Variants in NOS1AP observed in about 807,000 individuals in gnomAD.
NOS1AP encodes the protein carboxyl-terminal PDZ ligand of neuronal nitric oxide synthase protein.
Under a neutral mutation model 56.2 loss-of-function variants are expected in NOS1AP, and 21 were observed. The observed-to-expected ratio is 0.37, with a 90% CI of 0.26 to 0.54. The LOEUF (loss-of-function observed/expected upper bound fraction) is 0.54, where lower values mean the gene tolerates loss of function less well. Ranked by LOEUF, NOS1AP falls within the 20% of genes least tolerant of loss-of-function variation. The probability of loss-of-function intolerance (pLI) is 0.84; values close to 1 mark genes in which losing one functional copy is unlikely to be tolerated. For missense variants in NOS1AP, 522 were observed against 657.8 expected, an observed-to-expected ratio of 0.79 and a Z score of 2.26; for synonymous variants, 270 against 274.6, an observed-to-expected ratio of 0.98 and a Z score of 0.17.
intron 2 of NOS1AP, 104 bp from the exon 3 acceptor site, chr1:162,287,240 C>A: frequency 1.3e-6 from 1 of 797,212 alleles, no homozygotes; most frequent in Non-Finnish European, 2.2e-6. Context: ...CTATTCCCCA[C>A]ACCTGTCTGG....
chr1:162,203,011 C>T (rs1216275606), intron 2 of NOS1AP, among the ~76,000 whole-genome samples: 5 of 151,834 alleles, frequency 3.3e-5, no homozygotes, highest in South Asian at 2.1e-4. Flanking sequence ...TTGTGTGTGT[C>T]GGCGGGAGGG....
chr1:162,167,887 G>A (rs1650574948), intron 2 of NOS1AP, among the ~76,000 whole-genome samples: 1 of 151,212 alleles, frequency 6.6e-6, no homozygotes, highest in Non-Finnish European at 1.5e-5. Context: ...TTTTTCAGAG[G>A]TATTAATCTA....
At chr1:162,070,863 C>A (rs1051501044) in intron 1 of NOS1AP, among the ~76,000 whole-genome samples, 3 of 151,980 alleles carry the variant, frequency 2.0e-5, no homozygotes. Context: ...GTGAAAGCTA[C>A]CCATTTGCTA....
At chr1:162,356,302 G>A (rs1288251685) in intron 7 of NOS1AP, among the ~76,000 whole-genome samples, 2 of 152,222 alleles carry the variant, frequency 1.3e-5, no homozygotes, top group Admixed American at 1.3e-4. Context: ...ATGTCCACAG[G>A]AGAGGGAGAC....
intron 1 of NOS1AP, among the ~76,000 whole-genome samples, chr1:162,148,129 T>C (rs1385398497): frequency 6.6e-6 from 1 of 152,160 alleles, no homozygotes; most frequent in African/African-American, 2.4e-5. Flanking sequence ...ATACAGAGTG[T>C]AATGGAGGGC....
At chr1:162,278,924 T>TA (rs1654831427) in intron 2 of NOS1AP, among the ~76,000 whole-genome samples, 1 of 152,212 alleles carries the variant, frequency 6.6e-6, no homozygotes. Context: ...TTAATGTCTC[T>TA]AGTCTTCCTA....
chr1:162,279,006 G>A (rs573106522), intron 2 of NOS1AP, among the ~76,000 whole-genome samples: 1 of 152,270 alleles, frequency 6.6e-6, no homozygotes, highest in East Asian at 1.9e-4. Flanking sequence ...GAGAATGATA[G>A]AATTGACCGG....
chr1:162,129,260 G>A (rs1008659277), intron 1 of NOS1AP, among the ~76,000 whole-genome samples: 62 of 152,126 alleles, frequency 4.1e-4, no homozygotes, highest in African/African-American at 1.4e-3. Context: ...GCCTGAGGTC[G>A]CACATGCCTT....
intron 6 of NOS1AP, among the ~76,000 whole-genome samples, chr1:162,348,635 G>A (rs1456515411): frequency 6.6e-6 from 1 of 152,192 alleles, no homozygotes; most frequent in Non-Finnish European, 1.5e-5. Context: ...TCAGGCCCAG[G>A]ATAGTTTCTT....
rs1335437340 is a variant in NOS1AP at position 162,336,240 on chromosome 1, G to C, written c.453+3115G>C. Among the ~76,000 whole-genome samples, 3 of 152,296 alleles carry C rather than the reference G, an allele frequency of 2.0e-5. No homozygotes were observed. In the East Asian group the frequency reaches 5.8e-4, roughly 29 times the overall value. On this transcript the variant is annotated intron_variant, in intron 5 of 9. Coordinates refer to ENST00000361897, the MANE Select transcript of NOS1AP (RefSeq NM_014697.3). ...CTTTATTCCCACAGCAGCCCTGTGAGGTAGGTGCTGTTATGCTCTTCATTT... is the reference window on the plus strand; with the variant it reads ...CTTTATTCCCACAGCAGCCCTGTGACGTAGGTGCTGTTATGCTCTTCATTT...
intron 1 of NOS1AP, among the ~76,000 whole-genome samples, chr1:162,085,268 G>A (rs1454088047): frequency 6.6e-6 from 1 of 152,050 alleles, no homozygotes; most frequent in Non-Finnish European, 1.5e-5. Context: ...CTTGTTTTAT[G>A]TATAATGTCT....
intron 2 of NOS1AP, among the ~76,000 whole-genome samples, chr1:162,158,270 C>T (rs937600715): frequency 1.3e-5 from 2 of 152,146 alleles, no homozygotes; most frequent in Non-Finnish European, 2.9e-5. Context: ...TGGCTTATTT[C>T]GCTTAGCATA....
In NOS1AP at chr1:162,099,274, G is replaced by A. The variant is rs369398346; in HGVS notation, c.105+28992G>A. ...ACGACCTCGGCTCACTGCAAGCTCC[G>A]CCTCGCGGGTTCACGCCATTCTCCT... On this transcript the variant is annotated intron_variant, in intron 1 of 9. Transcript: ENST00000361897. Among the ~76,000 whole-genome samples, 114 of 150,360 alleles carry A rather than the reference G, an allele frequency of 7.6e-4. 4 individuals are homozygous for A. The South Asian group carries it at 0.022, about 29-fold the overall frequency.
intron 2 of NOS1AP, among the ~76,000 whole-genome samples, chr1:162,170,151 C>T (rs554894525): frequency 2.6e-5 from 4 of 152,290 alleles, no homozygotes; most frequent in African/African-American, 7.2e-5. Context: ...AGAGTCACTA[C>T]CTGAGAGCAG....
chr1:162,139,997 T>C (rs12116968), intron 1 of NOS1AP, among the ~76,000 whole-genome samples: 8,012 of 152,152 alleles, frequency 0.053, 290 homozygotes, highest in African/African-American at 0.091. Context: ...GCAGCTAATT[T>C]TTTGTATTTT....
chr1:162,155,450 TATATATAG>T lies in NOS1AP; in HGVS notation c.177+976_177+983del, dbSNP rs936662649. Among the ~76,000 whole-genome samples, 7 of 148,956 alleles carry T rather than the reference TATATATAG, an allele frequency of 4.7e-5. 2 individuals are homozygous for T. The highest frequency in any genetic ancestry group is 1.7e-4 in the African/African-American group (7 of 40,480). ...ATACATACATATATACATATATATA[TATATATAG>T]AGAGAGAGAGAGAGGTATCGAATAT... On this transcript the variant is annotated intron_variant, in intron 2 of 9. Coordinates refer to ENST00000361897, the MANE Select transcript of NOS1AP (RefSeq NM_014697.3).
At chr1:162,141,594 G>A (rs752011136) in intron 1 of NOS1AP, among the ~76,000 whole-genome samples, 8 of 152,140 alleles carry the variant, frequency 5.3e-5, no homozygotes, top group African/African-American at 1.4e-4. Flanking sequence ...CCTCACCTCC[G>A]TCTCCTTTCA....
intron 1 of NOS1AP, among the ~76,000 whole-genome samples, chr1:162,090,028 C>T (rs1009904456): frequency 1.3e-5 from 2 of 152,100 alleles, no homozygotes; most frequent in South Asian, 2.1e-4. Flanking sequence ...GTTTTTAGTT[C>T]TTCAATAATT....
intron 6 of NOS1AP, among the ~76,000 whole-genome samples, chr1:162,350,020 T>C (rs1657439243): frequency 6.6e-6 from 1 of 152,254 alleles, no homozygotes; most frequent in Non-Finnish European, 1.5e-5. Flanking sequence ...TTCTTCTTAC[T>C]GTAAATGCTT....
Sources: gnomAD v4.1 joint callset for allele counts (sites outside exome capture counted in the v4.1 genomes callset) on GRCh38, gnomAD v4.1.1 for gene constraint, MANE v1.5 for transcripts, NCBI Gene and HGNC (gene_info 2026-07-23, HGNC 2026-07-21) for gene names.